BCR: variants seen among roughly 807,000 people sequenced by gnomAD.
The protein encoded by BCR is BCR activator of RhoGEF and GTPase.
A neutral mutation model predicts 138.6 loss-of-function variants in BCR; 58 were observed. The observed-to-expected ratio is 0.42, with a 90% CI of 0.34 to 0.52. The LOEUF (loss-of-function observed/expected upper bound fraction) is 0.52. Among genes scored for constraint, BCR ranks in the 20% least tolerant of loss-of-function variants. The pLI, the probability that BCR is intolerant of heterozygous loss-of-function variation, is 0.06. For missense variants in BCR, 1,599 were observed against 1,727.2 expected (o/e 0.93, Z 1.32); for synonymous variants, 786 against 730.1 (o/e 1.08, Z -1.23).
chr22:23,301,052 C>G (rs2073897082), intron 16 of BCR, among the ~76,000 whole-genome samples: 1 of 152,256 alleles, frequency 6.6e-6, no homozygotes, highest in Non-Finnish European at 1.5e-5. Context: ...ACCTGTCATC[C>G]TAGCACTTTG....
At chr22:23,312,718 C>G in intron 19 of BCR, 169 bp from the exon 20 acceptor site, 1 of 596,156 alleles carries the variant, frequency 1.7e-6, no homozygotes, top group Non-Finnish European at 3.0e-6. Flanking sequence ...ACTCTGCAGA[C>G]ACAGAACCAT....
At position 23,261,471 on chromosome 22, in the gene BCR, T is replaced by C. The variant is rs2073355746; in HGVS notation, c.1683T>C (p.Tyr561=). The C allele has an allele frequency of 1.2e-6, 2 of 1,613,826 alleles. No individual in the cohort carries two copies. The highest frequency in any genetic ancestry group is 1.7e-6 in the Non-Finnish European group (2 of 1,180,022). Residue 561 remains tyrosine, a synonymous_variant, in exon 4 of 23, where the codon TAT becomes TAC. Coordinates refer to ENST00000305877, the MANE Select transcript of BCR (RefSeq NM_004327.4). ...PELYEIHKEF[Y]DGLFPRVQQW... ...TCTACGAGATCCACAAGGAGTTCTA[T>C]GATGGGCTCTTCCCCCGCGTGCAGC...
chr22:23,223,060 G>A lies in BCR; in HGVS notation c.1280-30739G>A, dbSNP rs1000729425. On this transcript the variant is annotated intron_variant, in intron 1 of 22. Coordinates refer to ENST00000305877, the MANE Select transcript of BCR (RefSeq NM_004327.4). Reference sequence around the variant, plus strand: ...GCTCTCTTGGGCTTCTTATTGTAAAGGCATTAATTTCATTCATGAGGGTTC... The same window carrying A: ...GCTCTCTTGGGCTTCTTATTGTAAAAGCATTAATTTCATTCATGAGGGTTC... 5.5e-4 allele frequency among the ~76,000 whole-genome samples: 84 copies of A among 152,138 alleles called. 1 individual carries two copies. Among genetic ancestry groups the A allele is most frequent in the Admixed American group, 5.5e-3 (84 of 15,274 alleles).
rs547426646 is a variant in BCR at position 23,194,035 on chromosome 22, C to A, written c.1279+11796C>A. ...GGCACGGAGGTGGTTGTGCTGGGCT[C>A]AGAGCCGCCGTCTGACTGGTTGGAA... is the stretch of plus-strand genomic sequence containing the variant. On this transcript the variant is annotated intron_variant, in intron 1 of 22. Transcript: ENST00000305877. 7.9e-5 allele frequency among the ~76,000 whole-genome samples: 12 copies of A among 152,314 alleles called. No homozygotes were observed. In the East Asian group the frequency reaches 2.3e-3, roughly 29 times the overall value.
At chr22:23,307,899 T>G (rs1266855975) in intron 16 of BCR, 3 of 133,664 alleles carry the variant, frequency 2.2e-5, no homozygotes, top group Admixed American at 7.9e-5. Flanking sequence ...CTCCAGAGCT[T>G]CTTATTTTCT....
chr22:23,311,948 T>G, intron 19 of BCR, 112 bp downstream of exon 19: 1 of 1,477,442 alleles, frequency 6.8e-7, no homozygotes, highest in South Asian at 1.4e-5. Context: ...GTGTCTTTTC[T>G]TCATTTACTG....
At chr22:23,229,746 C>G (rs71316793) in intron 1 of BCR, among the ~76,000 whole-genome samples, 2,258 of 152,364 alleles carry the variant, frequency 0.015, 25 homozygotes, top group Middle Eastern at 0.027. Flanking sequence ...CTTCCCTATA[C>G]TCTCTACTTC....
intron 16 of BCR, chr22:23,306,363 G>A (rs1450914417): frequency 6.6e-6 from 1 of 152,308 alleles, no homozygotes; most frequent in Non-Finnish European, 1.5e-5. Context: ...ACCTGAGCAG[G>A]GTGTCCTCCA....
chr22:23,300,491 G>C (rs1425853521), intron 16 of BCR, among the ~76,000 whole-genome samples: 1 of 152,170 alleles, frequency 6.6e-6, no homozygotes, highest in East Asian at 1.9e-4. Flanking sequence ...CATGGTCAGT[G>C]CTGTTGTGCA....
intron 15 of BCR, among the ~76,000 whole-genome samples, chr22:23,293,947 T>C (rs2073818086): frequency 6.6e-6 from 1 of 152,194 alleles, no homozygotes; most frequent in South Asian, 2.1e-4. Context: ...GTCAGGGTGA[T>C]GGAGGAGAGA....
intron 16 of BCR, among the ~76,000 whole-genome samples, chr22:23,297,237 TCG>T (rs2073856971): frequency 2.9e-5 from 4 of 137,712 alleles, no homozygotes; most frequent in African/African-American, 8.7e-5. Context: ...TTTTTTTTTT[TCG>T]AGACAGAGTT....
chr22:23,182,082 G>GC lies in BCR; in HGVS notation c.1123dup (p.Gln375ProfsTer16). The GC allele has an allele frequency of 6.2e-7, 1 of 1,613,282 alleles. No homozygotes were observed. Among genetic ancestry groups the GC allele is most frequent in the Non-Finnish European group, 8.5e-7 (1 of 1,180,030 alleles). On this transcript the variant is annotated frameshift_variant, in exon 1 of 23. Transcript: ENST00000305877. LOFTEE classifies it high-confidence loss of function. ...AAAGCCGCTCTCCCTCGCAGAACTC[G>GC]CAACAGTCCTTCGACAGCAGCAGTC...
chr22:23,251,559 C>T (rs933041223), intron 1 of BCR, among the ~76,000 whole-genome samples: 1 of 152,238 alleles, frequency 6.6e-6, no homozygotes, highest in Non-Finnish European at 1.5e-5. Context: ...ACACACGGCT[C>T]TCCCCGGCCT....
In BCR at chr22:23,226,467, A is replaced by G. The variant is rs529000584; in HGVS notation, c.1280-27332A>G. On this transcript the variant is annotated intron_variant, in intron 1 of 22. Transcript: ENST00000305877. ...TGGCAGCCTTTAAATGCCTAGGCAG[A>G]GAGGAAGAGAGAGGTTCCTAAGCTT... Among the ~76,000 whole-genome samples the G allele has an allele frequency of 4.6e-5, 7 of 152,286 alleles. No homozygotes were observed. In the East Asian group the frequency reaches 1.4e-3, roughly 29 times the overall value.
intron 1 of BCR, among the ~76,000 whole-genome samples, chr22:23,216,392 A>G (rs1337797859): frequency 6.6e-6 from 1 of 152,244 alleles, no homozygotes; most frequent in Non-Finnish European, 1.5e-5. Flanking sequence ...ATTATGTGAA[A>G]TTATTCATTG....
intron 8 of BCR, among the ~76,000 whole-genome samples, chr22:23,279,175 C>G (rs2146294752): frequency 6.6e-6 from 1 of 152,342 alleles, no homozygotes; most frequent in African/African-American, 2.4e-5. Context: ...GCCACCCTGA[C>G]TGTGGCTGTC....
At chr22:23,298,327 T>C (rs929561955) in intron 16 of BCR, among the ~76,000 whole-genome samples, 1 of 152,170 alleles carries the variant, frequency 6.6e-6, no homozygotes, top group Non-Finnish European at 1.5e-5. Context: ...GGGTTCTGGC[T>C]AAACGGACTT....
At chr22:23,306,856 C>G (rs1177937660) in intron 16 of BCR, 2 of 152,632 alleles carry the variant, frequency 1.3e-5, no homozygotes, top group Admixed American at 6.5e-5. Context: ...CCGGGCGGGC[C>G]GGAGCCGGGC....
chr22:23,238,047 C>T (rs1162809467), intron 1 of BCR, among the ~76,000 whole-genome samples: 3 of 152,150 alleles, frequency 2.0e-5, no homozygotes, highest in Admixed American at 6.5e-5. Context: ...CTTGACACCT[C>T]GCAGGGAGCG....
Sources: allele counts gnomAD v4.1 joint callset (sites outside exome capture counted in the v4.1 genomes callset), GRCh38; gene constraint gnomAD v4.1.1; transcripts MANE v1.5; gene names NCBI Gene and HGNC (gene_info 2026-07-23, HGNC 2026-07-21).